The following NRG3 variants were observed in gnomAD, a reference collection of about 807,000 sequenced individuals.
The protein encoded by NRG3 is neuregulin 3.
NRG3 carries 31 observed loss-of-function variants against 66.9 expected under a neutral mutation model. The ratio of observed to expected loss-of-function variants is 0.46; its 90% confidence interval spans 0.35 to 0.63. The LOEUF (loss-of-function observed/expected upper bound fraction) is 0.63. Ranked by LOEUF, NRG3 falls within the 20% of genes least tolerant of loss-of-function variation. The pLI, the probability that NRG3 is intolerant of heterozygous loss-of-function variation, is 0.00. For missense variants in NRG3, 910 were observed against 878.9 expected, an observed-to-expected ratio of 1.04 and a Z score of -0.45; for synonymous variants, 393 against 359.4, an observed-to-expected ratio of 1.09 and a Z score of -1.06.
intron 3 of NRG3, among the ~76,000 whole-genome samples, chr10:82,775,689 A>G (rs1441327422): frequency 1.3e-5 from 2 of 152,264 alleles, no homozygotes; most frequent in South Asian, 2.1e-4. Context: ...ATCTATTATT[A>G]ATAGTGAGGT....
At chr10:82,432,775 G>T (rs1264997357) in intron 2 of NRG3, among the ~76,000 whole-genome samples, 1 of 152,152 alleles carries the variant, frequency 6.6e-6, no homozygotes, top group Non-Finnish European at 1.5e-5. Flanking sequence ...TGTCATCCGA[G>T]TCCCTGCAAA....
chr10:81,890,891 G>A (rs929822902), intron 1 of NRG3, among the ~76,000 whole-genome samples: 2 of 152,174 alleles, frequency 1.3e-5, no homozygotes, highest in African/African-American at 4.8e-5. Context: ...GCTGAAGTTT[G>A]CCACTGAATT....
intron 1 of NRG3, among the ~76,000 whole-genome samples, chr10:82,181,333 T>C (rs1434339423): frequency 1.3e-5 from 2 of 151,750 alleles, no homozygotes; most frequent in Non-Finnish European, 3.0e-5. Context: ...GTTGTAGAAT[T>C]AGGTTGATTA....
intron 3 of NRG3, among the ~76,000 whole-genome samples, chr10:82,784,592 A>G (rs1326804661): frequency 1.3e-5 from 2 of 152,228 alleles, no homozygotes; most frequent in Non-Finnish European, 2.9e-5. Context: ...CAGCCAAAAG[A>G]CATATGAAAA....
intron 2 of NRG3, among the ~76,000 whole-genome samples, chr10:82,634,677 C>A (rs1376480562): frequency 6.6e-6 from 1 of 152,114 alleles, no homozygotes; most frequent in Non-Finnish European, 1.5e-5. Context: ...AAAGCAAAGT[C>A]AACTATTGAT....
chr10:82,810,010 A>G (rs1322293973), intron 3 of NRG3, among the ~76,000 whole-genome samples: 1 of 151,834 alleles, frequency 6.6e-6, no homozygotes, highest in Admixed American at 6.6e-5. Context: ...CCTGATTTGA[A>G]AGTTGCTTTT....
At chr10:82,463,381 C>G (rs554696567) in intron 2 of NRG3, among the ~76,000 whole-genome samples, 17 of 152,280 alleles carry the variant, frequency 1.1e-4, no homozygotes, top group African/African-American at 3.9e-4. Context: ...CTCTCTCTCT[C>G]TCTGTCTTCT....
At chr10:81,974,562 C>T (rs1032154567) in intron 1 of NRG3, among the ~76,000 whole-genome samples, 4 of 152,002 alleles carry the variant, frequency 2.6e-5, no homozygotes, top group African/African-American at 9.7e-5. Flanking sequence ...CAAGGTGGTC[C>T]AAGACATGGG....
At chr10:82,618,214 C>T (rs1346977544) in intron 2 of NRG3, among the ~76,000 whole-genome samples, 1 of 152,156 alleles carries the variant, frequency 6.6e-6, no homozygotes, top group Non-Finnish European at 1.5e-5. Context: ...TCATTTCTAG[C>T]CAGCCAGCCG....
chr10:82,944,506 A>G (rs1419315777), intron 4 of NRG3, among the ~76,000 whole-genome samples: 1 of 152,226 alleles, frequency 6.6e-6, no homozygotes. Context: ...GGAAAATTTA[A>G]TGAACTTGCA....
chr10:82,693,501 C>T (rs2055112652), intron 2 of NRG3, among the ~76,000 whole-genome samples: 2 of 152,158 alleles, frequency 1.3e-5, no homozygotes, highest in Non-Finnish European at 2.9e-5. Flanking sequence ...CCATGTCTTA[C>T]CAGCGGTGTG....
At chr10:82,515,703 A>G (rs1303347936) in intron 2 of NRG3, among the ~76,000 whole-genome samples, 2 of 152,102 alleles carry the variant, frequency 1.3e-5, no homozygotes, top group African/African-American at 2.4e-5. Context: ...TCAATAACAA[A>G]CCCATTAAAC....
intron 1 of NRG3, among the ~76,000 whole-genome samples, chr10:82,241,097 C>T (rs1286412497): frequency 6.6e-6 from 1 of 152,036 alleles, no homozygotes; most frequent in East Asian, 1.9e-4. Context: ...ATAATTTATA[C>T]TTTTCTATGA....
At chr10:82,738,725 G>C in intron 3 of NRG3, 75 bp downstream of exon 3, 5 of 1,260,974 alleles carry the variant, frequency 4.0e-6, no homozygotes, top group Non-Finnish European at 5.8e-6. Context: ...TGTTAACTCA[G>C]CTGAAAGCTA....
intron 1 of NRG3, among the ~76,000 whole-genome samples, chr10:82,320,759 C>T (rs910641622): frequency 6.6e-6 from 1 of 152,052 alleles, no homozygotes; most frequent in African/African-American, 2.4e-5. Context: ...CAGCAAAGTC[C>T]CCAACCCCAA....
At chr10:82,756,831 T>A (rs1479114929) in intron 3 of NRG3, among the ~76,000 whole-genome samples, 1 of 152,002 alleles carries the variant, frequency 6.6e-6, no homozygotes, top group African/African-American at 2.4e-5. Flanking sequence ...TTTTTTTTTT[T>A]TTCTTATTTG....
At chr10:82,722,488 C>T (rs1565240599) in intron 2 of NRG3, among the ~76,000 whole-genome samples, 1 of 152,064 alleles carries the variant, frequency 6.6e-6, no homozygotes, top group Non-Finnish European at 1.5e-5. Context: ...ATTGCATCAT[C>T]ATTAAGTGTA....
intron 4 of NRG3, among the ~76,000 whole-genome samples, chr10:82,920,150 A>C (rs1300157833): frequency 6.6e-6 from 1 of 152,150 alleles, no homozygotes; most frequent in Non-Finnish European, 1.5e-5. Context: ...ATTCTGAAAA[A>C]CTAGAGGCTG....
chr10:82,308,587 G>T (rs898066715), intron 1 of NRG3, among the ~76,000 whole-genome samples: 2 of 152,082 alleles, frequency 1.3e-5, no homozygotes, highest in African/African-American at 4.8e-5. Context: ...GCATCTTTAT[G>T]ATTACCAGAA....
Sources: allele counts gnomAD v4.1 joint callset (sites outside exome capture counted in the v4.1 genomes callset), GRCh38; gene constraint gnomAD v4.1.1; transcripts MANE v1.5; gene names NCBI Gene and HGNC (gene_info 2026-07-23, HGNC 2026-07-21).